Variants in PPARGC1B observed in about 807,000 individuals in gnomAD.
PPARGC1B encodes the protein PPARG coactivator 1 beta.
In PPARGC1B, 34 loss-of-function variants were observed where a neutral mutation model predicts 101.6. The observed-to-expected ratio is 0.33, with a 90% CI of 0.25 to 0.45. The LOEUF (loss-of-function observed/expected upper bound fraction) is 0.45. PPARGC1B is among the 20% of genes least tolerant of loss of function. PPARGC1B has a pLI of 1.00. For missense variants in PPARGC1B, 1,234 were observed against 1,317.6 expected, an observed-to-expected ratio of 0.94 and a Z score of 0.98; for synonymous variants, 548 against 539.3, an observed-to-expected ratio of 1.02 and a Z score of -0.22.
At chr5:149,746,206 A>G (rs1462495847) in intron 1 of PPARGC1B, among the ~76,000 whole-genome samples, 2 of 152,164 alleles carry the variant, frequency 1.3e-5, no homozygotes, top group African/African-American at 4.8e-5. Flanking sequence ...TCTGCCGGCA[A>G]CGCTCTTCCC....
chr5:149,787,822 C>A (rs778775061), intron 1 of PPARGC1B, among the ~76,000 whole-genome samples: 28 of 152,312 alleles, frequency 1.8e-4, no homozygotes, highest in Non-Finnish European at 3.7e-4. Context: ...AAGATTTTGT[C>A]TGTACAATGG....
chr5:149,752,961 T>A (rs929243688), intron 1 of PPARGC1B, among the ~76,000 whole-genome samples: 2 of 152,224 alleles, frequency 1.3e-5, no homozygotes, highest in Non-Finnish European at 2.9e-5. Flanking sequence ...TCTACTAATT[T>A]CTAATGTGTT....
chr5:149,823,500 T>G (rs1347976270), intron 2 of PPARGC1B, among the ~76,000 whole-genome samples: 1 of 152,132 alleles, frequency 6.6e-6, no homozygotes, highest in African/African-American at 2.4e-5. Context: ...AGGCTCGTTT[T>G]CCTCCTGCTT....
rs776236662 is a variant in PPARGC1B at position 149,836,915 on chromosome 5, TGAA to T, written c.2466_2468del (p.Glu823del). On this transcript the variant is annotated inframe_deletion, in exon 8 of 12. Coordinates refer to ENST00000309241, the MANE Select transcript of PPARGC1B (RefSeq NM_133263.4). ...AAGGGGAGGAGGAGGAGGAGGACGA[TGAA>T]GAAGAGGACTCAGGGGTCAGCCCCA... The T allele has an allele frequency of 1.2e-5, 19 of 1,613,188 alleles. No homozygotes were observed. The Admixed American group carries it at 1.7e-4, about 14-fold the overall frequency.
At chr5:149,734,398 C>G (rs1486033606) in intron 1 of PPARGC1B, among the ~76,000 whole-genome samples, 1 of 141,966 alleles carries the variant, frequency 7.0e-6, no homozygotes, top group Non-Finnish European at 1.5e-5. Context: ...TGTTCTGTAA[C>G]TTGTTTTTTT....
At chr5:149,800,663 C>T (rs1757401708) in intron 1 of PPARGC1B, among the ~76,000 whole-genome samples, 1 of 152,222 alleles carries the variant, frequency 6.6e-6, no homozygotes. Flanking sequence ...GTTTTTGCTG[C>T]TGTTGTCATG....
At chr5:149,746,020 C>G (rs936270146) in intron 1 of PPARGC1B, among the ~76,000 whole-genome samples, 5 of 152,166 alleles carry the variant, frequency 3.3e-5, no homozygotes, top group Non-Finnish European at 7.4e-5. Context: ...TGGTCATGGT[C>G]CCAGACCATG....
chr5:149,830,036 AAAAAAAAAAAAAAAAAAAG>A (rs752835294), intron 3 of PPARGC1B, among the ~76,000 whole-genome samples: 9 of 124,964 alleles, frequency 7.2e-5, no homozygotes, highest in African/African-American at 1.4e-4. Flanking sequence ...ATCTCAAAAA[AAAAAAAAAAAAAAAAAAAG>A]AAAAAAAAAA....
chr5:149,824,382 A>G (rs892453543), intron 2 of PPARGC1B, among the ~76,000 whole-genome samples: 13 of 152,162 alleles, frequency 8.5e-5, no homozygotes, highest in Non-Finnish European at 1.8e-4. Context: ...TCACTCTTTC[A>G]TTAAGTAAAT....
In PPARGC1B at chr5:149,836,507, C is replaced by T. The variant is rs779292648; in HGVS notation, c.2052C>T (p.Pro684=). 6.2e-7 allele frequency: 1 copy of T among 1,614,120 alleles called. No homozygotes were observed. The highest frequency in any genetic ancestry group is 1.3e-5 in the African/African-American group (1 of 75,078). ...QPASQAGQKR[P]FSCSFGDHDY... ...CCTCCCAGGCTGGCCAGAAGCGTCC[C>T]TTCTCCTGTTCCTTTGGAGACCATG... The change falls in exon 8 of 12, where the codon CCC becomes CCT. Residue 684 remains proline, a synonymous_variant. Coordinates refer to ENST00000309241, the MANE Select transcript of PPARGC1B (RefSeq NM_133263.4).
At chr5:149,781,141 G>T (rs1409719704) in intron 1 of PPARGC1B, among the ~76,000 whole-genome samples, 1 of 151,046 alleles carries the variant, frequency 6.6e-6, no homozygotes, top group Non-Finnish European at 1.5e-5. Context: ...GGAGGTGGAG[G>T]TTGCAGTGAG....
Position 149,849,727 on chromosome 5 carries a change from A to C in PPARGC1B, c.*2169A>C, listed in dbSNP as rs1199516180. ...TGTGATGTTCCGTTCCATGAGAGAA[A>C]ACTCCCCTAATGCTATTCCATGGCG... On this transcript the variant is annotated 3_prime_UTR_variant, in exon 12 of 12. Coordinates refer to ENST00000309241, the MANE Select transcript of PPARGC1B (RefSeq NM_133263.4). 6.6e-6 allele frequency: 1 copy of C among 152,186 alleles called. No homozygotes were observed. Among genetic ancestry groups the C allele is most frequent in the African/African-American group, 2.4e-5 (1 of 41,438 alleles). The allele number at this position is 152,186 out of a possible 1,614,324, so 9.4% of individuals were successfully genotyped here.
chr5:149,807,545 G>A (rs1757646408), intron 1 of PPARGC1B, among the ~76,000 whole-genome samples: 1 of 152,102 alleles, frequency 6.6e-6, no homozygotes, highest in African/African-American at 2.4e-5. Context: ...ATCTGCTCCA[G>A]TCTCTTTCTT....
chr5:149,736,510 C>T (rs1754715590), intron 1 of PPARGC1B, among the ~76,000 whole-genome samples: 1 of 152,156 alleles, frequency 6.6e-6, no homozygotes, highest in Non-Finnish European at 1.5e-5. Context: ...TCATATCCAT[C>T]CCATTGACAC....
chr5:149,843,847 A>G (rs779626101), intron 10 of PPARGC1B, among the ~76,000 whole-genome samples: 1 of 152,276 alleles, frequency 6.6e-6, no homozygotes, highest in South Asian at 2.1e-4. Flanking sequence ...ACGTCACCAC[A>G]TGGATGAACC....
intron 1 of PPARGC1B, among the ~76,000 whole-genome samples, chr5:149,773,329 G>A (rs928545132): frequency 4.6e-5 from 7 of 152,238 alleles, no homozygotes; most frequent in Admixed American, 3.3e-4. Context: ...GCATGACCCC[G>A]GCCTCCTGCC....
chr5:149,793,964 C>T (rs915664059), intron 1 of PPARGC1B, among the ~76,000 whole-genome samples: 4 of 152,218 alleles, frequency 2.6e-5, no homozygotes, highest in African/African-American at 9.7e-5. Context: ...ATCCAATCAG[C>T]TGCCGGTTTT....
chr5:149,843,875 G>A (rs1427363094), intron 10 of PPARGC1B, among the ~76,000 whole-genome samples: 1 of 152,214 alleles, frequency 6.6e-6, no homozygotes, highest in Non-Finnish European at 1.5e-5. Flanking sequence ...ATTGTGCTGA[G>A]TAAAATAAGC....
chr5:149,840,489 T>G (rs1716378395), intron 9 of PPARGC1B, among the ~76,000 whole-genome samples: 1 of 152,112 alleles, frequency 6.6e-6, no homozygotes, highest in African/African-American at 2.4e-5. Context: ...ACCTTCTATG[T>G]GACCGTGGGC....
Sources: gnomAD v4.1 joint callset for allele counts (sites outside exome capture counted in the v4.1 genomes callset) on GRCh38, gnomAD v4.1.1 for gene constraint, MANE v1.5 for transcripts, NCBI Gene and HGNC (gene_info 2026-07-23, HGNC 2026-07-21) for gene names.